SPOCK1: variants seen among roughly 807,000 people sequenced by gnomAD.
SPOCK1 encodes the protein testican-1.
Under a neutral mutation model 55.3 loss-of-function variants are expected in SPOCK1, and 23 were observed. The observed-to-expected ratio is 0.42, with a 90% CI of 0.30 to 0.59. SPOCK1 has a LOEUF of 0.59. Among genes scored for constraint, SPOCK1 ranks in the 20% least tolerant of loss-of-function variants. The probability of loss-of-function intolerance (pLI) is 0.22; values close to 1 mark genes in which losing one functional copy is unlikely to be tolerated. For missense variants in SPOCK1, 499 were observed against 552.5 expected (o/e 0.90, Z 0.97); for synonymous variants, 226 against 221.0 (o/e 1.02, Z -0.20).
chr5:137,140,179 CT>C (rs1580772229), intron 4 of SPOCK1, among the ~76,000 whole-genome samples: 2 of 152,096 alleles, frequency 1.3e-5, no homozygotes, highest in African/African-American at 4.8e-5. Flanking sequence ...CTCAATGGAC[CT>C]CGAAGAATCA....
intron 7 of SPOCK1, 159 bp from the exon 8 acceptor site, chr5:136,988,802 ATTTTGTGTTT>A: frequency 1.7e-6 from 1 of 585,284 alleles, no homozygotes; most frequent in South Asian, 3.6e-5. Flanking sequence ...TCTCTAGAAT[ATTTTGTGTTT>A]TTTTGTTTTG....
chr5:137,257,911 G>A (rs1756668772), intron 3 of SPOCK1, among the ~76,000 whole-genome samples: 1 of 152,114 alleles, frequency 6.6e-6, no homozygotes, highest in African/African-American at 2.4e-5. Flanking sequence ...GCCCCCTGAG[G>A]AGAGCACTGT....
At chr5:137,032,745 G>T (rs191156348) in intron 6 of SPOCK1, among the ~76,000 whole-genome samples, 47 of 152,282 alleles carry the variant, frequency 3.1e-4, no homozygotes, top group Non-Finnish European at 5.1e-4. Context: ...TTGCTGTGGT[G>T]GGGGCAGGTG....
At chr5:137,205,523 G>T (rs1028149848) in intron 3 of SPOCK1, among the ~76,000 whole-genome samples, 1 of 152,172 alleles carries the variant, frequency 6.6e-6, no homozygotes, top group African/African-American at 2.4e-5. Flanking sequence ...GTGATGAATT[G>T]TCTGAGTCGG....
At chr5:137,166,006 GATA>G (rs1754642102) in intron 3 of SPOCK1, among the ~76,000 whole-genome samples, 2 of 152,136 alleles carry the variant, frequency 1.3e-5, no homozygotes, top group Admixed American at 1.3e-4. Flanking sequence ...CATTCAAAGT[GATA>G]ATAACAGAGA....
chr5:136,992,464 G>T lies in SPOCK1; in HGVS notation c.706+20C>A. On this transcript the variant is annotated intron_variant, in intron 7 of 10. Coordinates refer to ENST00000394945, the MANE Select transcript of SPOCK1 (RefSeq NM_004598.4). ...AATGTCTAATAAATTGAGGAAATGT[G>T]ATATTTAAAATGGTCTTACTGCCTT... The T allele has an allele frequency of 6.4e-7, 1 of 1,563,462 alleles. No individual in the cohort carries two copies. The highest frequency in any genetic ancestry group is 8.7e-7 in the Non-Finnish European group (1 of 1,145,328).
chr5:137,345,778 T>C (rs140057414), intron 2 of SPOCK1, among the ~76,000 whole-genome samples: 53 of 152,256 alleles, frequency 3.5e-4, no homozygotes, highest in Admixed American at 1.2e-3. Flanking sequence ...ACACTCTATA[T>C]AGAAATTACT....
intron 2 of SPOCK1, among the ~76,000 whole-genome samples, chr5:137,415,672 C>A (rs1752312943): frequency 6.6e-6 from 1 of 152,106 alleles, no homozygotes. Context: ...TGGTCAACTG[C>A]CCAGATGAAT....
At chr5:137,494,991 GA>G (rs1223853654) in intron 2 of SPOCK1, among the ~76,000 whole-genome samples, 5 of 152,194 alleles carry the variant, frequency 3.3e-5, no homozygotes, top group Admixed American at 3.3e-4. Context: ...TTAATACAAA[GA>G]TCTGCTTCTT....
intron 6 of SPOCK1, among the ~76,000 whole-genome samples, chr5:137,063,264 A>AATATTCGG (rs1270539761): frequency 4.2e-4 from 64 of 151,780 alleles, no homozygotes; most frequent in African/African-American, 1.4e-3. Context: ...AAAAGAAAGA[A>AATATTCGG]ATATTCGGAA....
At chr5:137,407,331 A>C (rs1473480196) in intron 2 of SPOCK1, among the ~76,000 whole-genome samples, 1 of 152,114 alleles carries the variant, frequency 6.6e-6, no homozygotes, top group African/African-American at 2.4e-5. Flanking sequence ...GAAACTTGGG[A>C]AGAGACAAGA....
At chr5:137,312,389 G>T (rs1757803735) in intron 2 of SPOCK1, among the ~76,000 whole-genome samples, 1 of 152,218 alleles carries the variant, frequency 6.6e-6, no homozygotes, top group African/African-American at 2.4e-5. Context: ...AAATGAGAGA[G>T]ACCTCCTCCA....
chr5:137,442,303 A>C (rs1450397718), intron 2 of SPOCK1, among the ~76,000 whole-genome samples: 3 of 152,168 alleles, frequency 2.0e-5, no homozygotes, highest in Admixed American at 2.0e-4. Flanking sequence ...AGATGCAGGC[A>C]AGGAGGCTCT....
chr5:137,176,866 C>A (rs1270996575), intron 3 of SPOCK1, among the ~76,000 whole-genome samples: 4 of 152,136 alleles, frequency 2.6e-5, no homozygotes, highest in African/African-American at 7.2e-5. Context: ...TTATAATATT[C>A]TCCTAATTGG....
Position 137,464,505 on chromosome 5 carries a change from A to C in SPOCK1, c.186+33868T>G, listed in dbSNP as rs1202004551. Among the ~76,000 whole-genome samples, 7 of 145,948 alleles carry C rather than the reference A, an allele frequency of 4.8e-5. No homozygotes were observed. In the Admixed American group the frequency reaches 4.8e-4, roughly 10 times the overall value. ...AAAAGATAGTGTGGCAAGAAATGGT[A>C]TGGGCCTAAATTAAGAGACTGACAA... is the stretch of plus-strand genomic sequence containing the variant. On this transcript the variant is annotated intron_variant, in intron 2 of 10. Coordinates refer to ENST00000394945, the MANE Select transcript of SPOCK1 (RefSeq NM_004598.4).
chr5:137,190,450 T>G (rs562577461), intron 3 of SPOCK1, among the ~76,000 whole-genome samples: 2 of 152,356 alleles, frequency 1.3e-5, no homozygotes, highest in South Asian at 4.1e-4. Flanking sequence ...GGTTAGCATT[T>G]TTTAGCAATA....
chr5:137,077,788 T>C (rs1357965764), intron 5 of SPOCK1, among the ~76,000 whole-genome samples: 1 of 152,188 alleles, frequency 6.6e-6, no homozygotes, highest in African/African-American at 2.4e-5. Context: ...TCTCCGAACT[T>C]GACTCCCACC....
chr5:137,172,996 T>C (rs1282314256), intron 3 of SPOCK1, among the ~76,000 whole-genome samples: 1 of 152,130 alleles, frequency 6.6e-6, no homozygotes, highest in African/African-American at 2.4e-5. Context: ...ACAGAAGATA[T>C]CCATCTTTTT....
At chr5:137,153,859 A>C (rs1346493708) in intron 3 of SPOCK1, among the ~76,000 whole-genome samples, 2 of 147,592 alleles carry the variant, frequency 1.4e-5, no homozygotes, top group African/African-American at 4.9e-5. Context: ...TTCTGTCTCA[A>C]AAAAACAAAA....
Sources: gnomAD v4.1 joint callset for allele counts (sites outside exome capture counted in the v4.1 genomes callset) on GRCh38, gnomAD v4.1.1 for gene constraint, MANE v1.5 for transcripts, NCBI Gene and HGNC (gene_info 2026-07-23, HGNC 2026-07-21) for gene names.